The following SKAP2 variants were observed in gnomAD, a reference collection of about 807,000 sequenced individuals.
SKAP2 encodes src kinase-associated phosphoprotein 2.
A neutral mutation model predicts 54.9 loss-of-function variants in SKAP2; 28 were observed. The observed-to-expected ratio is 0.51, with a 90% CI of 0.38 to 0.70. SKAP2 has a LOEUF of 0.70. SKAP2 is among the 30% of genes least tolerant of loss of function. The pLI is 0.00. For missense variants in SKAP2, 356 were observed against 424.1 expected, an observed-to-expected ratio of 0.84 and a Z score of 1.41; for synonymous variants, 137 against 134.3, an observed-to-expected ratio of 1.02 and a Z score of -0.14.
intron 9 of SKAP2, among the ~76,000 whole-genome samples, chr7:26,705,560 G>A (rs1047764024): frequency 2.0e-5 from 3 of 152,256 alleles, no homozygotes; most frequent in African/African-American, 7.2e-5. Flanking sequence ...ATCAAGCAGT[G>A]ATTAAAGAAT....
rs1388995384 is a variant in SKAP2 at position 26,667,895 on chromosome 7, T to C, written c.*1771A>G. Reference sequence around the variant, plus strand: ...TTTGAAAACCAGTCCACTAAAGTCGTCTTTGGTTGTCTAACTTTTGCCAAG... The same window carrying C: ...TTTGAAAACCAGTCCACTAAAGTCGCCTTTGGTTGTCTAACTTTTGCCAAG... On this transcript the variant is annotated 3_prime_UTR_variant, in exon 13 of 13. Coordinates refer to ENST00000345317, the MANE Select transcript of SKAP2 (RefSeq NM_003930.5). 6.6e-6 allele frequency: 1 copy of C among 152,220 alleles called. No homozygotes were observed. The highest frequency in any genetic ancestry group is 1.5e-5 in the Non-Finnish European group (1 of 68,036). 9.4% of individuals were successfully genotyped at this position (152,220 alleles called of 1,614,324 possible). A position where few individuals can be genotyped will look rare whatever the true frequency, so the allele number is the denominator to read the frequency against.
chr7:26,795,108 G>A (rs1421206904), intron 4 of SKAP2, among the ~76,000 whole-genome samples: 1 of 152,096 alleles, frequency 6.6e-6, no homozygotes, highest in African/African-American at 2.4e-5. Flanking sequence ...TGTCCTAAAA[G>A]TTCAAAAGAG....
At chr7:26,821,781 C>A (rs1784388598) in intron 4 of SKAP2, among the ~76,000 whole-genome samples, 1 of 152,116 alleles carries the variant, frequency 6.6e-6, no homozygotes, top group Non-Finnish European at 1.5e-5. Context: ...ATTGGTTCTA[C>A]CCCTGGCTAT....
At chr7:26,863,881 C>A (rs1001088778) in intron 1 of SKAP2, among the ~76,000 whole-genome samples, 2 of 152,098 alleles carry the variant, frequency 1.3e-5, no homozygotes, top group African/African-American at 4.8e-5. Context: ...CACCCCATAA[C>A]CCCTAACACC....
chr7:26,786,875 A>G (rs965820889), intron 4 of SKAP2, among the ~76,000 whole-genome samples: 1 of 152,154 alleles, frequency 6.6e-6, no homozygotes, highest in Non-Finnish European at 1.5e-5. Flanking sequence ...CTCCTTCTAC[A>G]GATCATTCTT....
At position 26,838,152 on chromosome 7, in the gene SKAP2, C is replaced by T. The variant is rs906187762; in HGVS notation, c.307+5878G>A. On this transcript the variant is annotated intron_variant, in intron 4 of 12. Coordinates refer to ENST00000345317, the MANE Select transcript of SKAP2 (RefSeq NM_003930.5). ...CCTTCATTTAACCTACATTTAACTT[C>T]CAGGACAATATCCCTCAAATCTGCA... is the stretch of plus-strand genomic sequence containing the variant. Among the ~76,000 whole-genome samples the T allele has an allele frequency of 3.3e-5, 5 of 152,286 alleles. No homozygotes were observed. The East Asian group carries it at 9.7e-4, about 29-fold the overall frequency.
chr7:26,735,030 A>G lies in SKAP2; in HGVS notation c.469+3765T>C, dbSNP rs79335699. Among the ~76,000 whole-genome samples, 27 of 152,204 alleles carry G rather than the reference A, an allele frequency of 1.8e-4. No homozygotes were observed. The East Asian group carries it at 4.6e-3, about 26-fold the overall frequency. On this transcript the variant is annotated intron_variant, in intron 6 of 12. Coordinates refer to ENST00000345317, the MANE Select transcript of SKAP2 (RefSeq NM_003930.5). ...AGTTTCCCTCCTTTGTGATCCAAAG[A>G]TACCTTATTTAAATTACTTACTGTA...
chr7:26,822,765 C>T (rs1375840505), intron 4 of SKAP2, among the ~76,000 whole-genome samples: 1 of 151,704 alleles, frequency 6.6e-6, no homozygotes, highest in African/African-American at 2.4e-5. Flanking sequence ...CGCCTGCAGT[C>T]CCAGCTACTA....
chr7:26,741,465 A>G (rs541387359), intron 4 of SKAP2, among the ~76,000 whole-genome samples: 2 of 151,080 alleles, frequency 1.3e-5, no homozygotes, highest in East Asian at 1.9e-4. Context: ...GGATCCCCCA[A>G]GAGGTCAAGG....
intron 4 of SKAP2, among the ~76,000 whole-genome samples, chr7:26,782,787 A>G (rs980140542): frequency 2.0e-5 from 3 of 152,206 alleles, no homozygotes; most frequent in Non-Finnish European, 4.4e-5. Context: ...GAGGCCCTAG[A>G]GAGCTGCCTG....
rs565905539 is a variant in SKAP2 at position 26,846,747 on chromosome 7, A to G, written c.200-2610T>C. 3.9e-5 allele frequency among the ~76,000 whole-genome samples: 6 copies of G among 152,272 alleles called. No individual in the cohort carries two copies. In the East Asian group the frequency reaches 1.2e-3, roughly 30 times the overall value. ...TGTAATCCCAGCACTGTGGGAGGCCAAGGCAGGTGGATCACCTGAGCTCAG... is the reference window on the plus strand; with the variant it reads ...TGTAATCCCAGCACTGTGGGAGGCCGAGGCAGGTGGATCACCTGAGCTCAG... On this transcript the variant is annotated intron_variant, in intron 3 of 12. Transcript: ENST00000345317.
chr7:26,683,044 A>T (rs1467014566), intron 11 of SKAP2, among the ~76,000 whole-genome samples: 1 of 152,188 alleles, frequency 6.6e-6, no homozygotes, highest in African/African-American at 2.4e-5. Context: ...TATAAATTTC[A>T]TATTTACAAA....
intron 9 of SKAP2, among the ~76,000 whole-genome samples, chr7:26,720,061 C>CAGACACACAG (rs1554296119): frequency 7.9e-6 from 1 of 125,840 alleles, no homozygotes; most frequent in Admixed American, 7.9e-5. Context: ...AACACACACA[C>CAGACACACAG]ACACACACAC....
intron 4 of SKAP2, among the ~76,000 whole-genome samples, chr7:26,799,151 A>AAC (rs1486044014): frequency 6.6e-6 from 1 of 151,612 alleles, no homozygotes. Context: ...AAGGCAAGAC[A>AAC]ACACCAGACC....
At chr7:26,858,875 C>T (rs1202019999) in intron 1 of SKAP2, among the ~76,000 whole-genome samples, 1 of 152,096 alleles carries the variant, frequency 6.6e-6, no homozygotes, top group Admixed American at 6.5e-5. Flanking sequence ...CCTCACCACC[C>T]CCGACTATCA....
rs1346250502 is a variant in SKAP2, at chr7:26,699,931, T to C, written c.797-9569A>G. Among the ~76,000 whole-genome samples the C allele has an allele frequency of 6.6e-5, 10 of 152,316 alleles. No homozygotes were observed. The East Asian group carries it at 1.2e-3, about 18-fold the overall frequency. On this transcript the variant is annotated intron_variant, in intron 9 of 12. Transcript: ENST00000345317. ...TAAACTGTTGACTCATATTGAGCTA[T>C]TGACCAAAGTCCGTATGTGTTTTTC...
intron 4 of SKAP2, among the ~76,000 whole-genome samples, chr7:26,763,004 C>G (rs1782965965): frequency 6.6e-6 from 1 of 152,116 alleles, no homozygotes; most frequent in South Asian, 2.1e-4. Flanking sequence ...GCATTAGTTT[C>G]TTCTTTAGGA....
intron 4 of SKAP2, among the ~76,000 whole-genome samples, chr7:26,758,115 A>C (rs752327634): frequency 6.6e-6 from 1 of 152,134 alleles, no homozygotes; most frequent in Non-Finnish European, 1.5e-5. Context: ...TTTTTCTAGC[A>C]CATATATGTA....
intron 9 of SKAP2, among the ~76,000 whole-genome samples, chr7:26,713,703 C>T (rs1437202242): frequency 2.6e-5 from 4 of 151,920 alleles, no homozygotes; most frequent in African/African-American, 4.8e-5. Flanking sequence ...GGGTTCACAC[C>T]ATTCTCCTGC....
Sources: allele counts gnomAD v4.1 joint callset (sites outside exome capture counted in the v4.1 genomes callset), GRCh38; gene constraint gnomAD v4.1.1; transcripts MANE v1.5; gene names NCBI Gene and HGNC (gene_info 2026-07-23, HGNC 2026-07-21).